Variants in CADPS2 observed in about 807,000 individuals in gnomAD.
CADPS2 encodes the protein calcium-dependent secretion activator 2.
A neutral mutation model predicts 172.5 loss-of-function variants in CADPS2; 93 were observed. The observed-to-expected ratio is 0.54, with a 90% CI of 0.46 to 0.64. The LOEUF (loss-of-function observed/expected upper bound fraction) is 0.64. CADPS2 is among the 30% of genes least tolerant of loss of function. CADPS2 has a pLI of 0.00. For missense variants in CADPS2, 1,420 were observed against 1,565.9 expected (o/e 0.91, Z 1.57); for synonymous variants, 546 against 555.2 (o/e 0.98, Z 0.23).
At chr7:122,730,536 TTAAA>T (rs1311988571) in intron 2 of CADPS2, among the ~76,000 whole-genome samples, 2 of 151,788 alleles carry the variant, frequency 1.3e-5, no homozygotes, top group Non-Finnish European at 3.0e-5. Context: ...AAGCAAGATA[TTAAA>T]TAATATTTAG....
intron 1 of CADPS2, among the ~76,000 whole-genome samples, chr7:122,807,771 TG>T (rs1280151779): frequency 6.6e-6 from 1 of 152,018 alleles, no homozygotes; most frequent in African/African-American, 2.4e-5. Context: ...AATCTTGGCA[TG>T]GGGGGCATTG....
chr7:122,371,202 C>G lies in CADPS2; in HGVS notation c.3387+8166G>C, dbSNP rs1204428671. On this transcript the variant is annotated intron_variant, in intron 25 of 29. Transcript: ENST00000449022. ...ATATGAAGCATCGGCAATAAATGGT[C>G]AAATCGGTATTTTGGAAAGATACTC... Among the ~76,000 whole-genome samples the G allele has an allele frequency of 3.3e-5, 5 of 152,044 alleles. No homozygotes were observed. The East Asian group carries it at 9.6e-4, about 29-fold the overall frequency.
chr7:122,321,123 T>G (rs1477660619), intron 29 of CADPS2, among the ~76,000 whole-genome samples: 1 of 152,268 alleles, frequency 6.6e-6, no homozygotes, highest in Admixed American at 6.5e-5. Flanking sequence ...CTTAAAATAT[T>G]AATCTATAAT....
At chr7:122,828,020 G>A (rs189292113) in intron 1 of CADPS2, among the ~76,000 whole-genome samples, 2 of 152,232 alleles carry the variant, frequency 1.3e-5, no homozygotes, top group Non-Finnish European at 2.9e-5. Flanking sequence ...TTAAGTCCCT[G>A]CCAATAACTG....
intron 1 of CADPS2, among the ~76,000 whole-genome samples, chr7:122,860,609 A>G (rs767788812): frequency 6.6e-6 from 1 of 152,182 alleles, no homozygotes; most frequent in Non-Finnish European, 1.5e-5. Context: ...TAAAACATTT[A>G]AGAAAGAAAA....
intron 14 of CADPS2, among the ~76,000 whole-genome samples, chr7:122,459,509 C>G (rs1034520192): frequency 6.6e-6 from 1 of 152,006 alleles, no homozygotes; most frequent in Non-Finnish European, 1.5e-5. Flanking sequence ...ATTAATTTTC[C>G]TGCAACCTCA....
At chr7:122,427,948 G>A (rs1483382237) in intron 17 of CADPS2, among the ~76,000 whole-genome samples, 1 of 152,086 alleles carries the variant, frequency 6.6e-6, no homozygotes, top group Non-Finnish European at 1.5e-5. Context: ...TGACTTGTGA[G>A]TTTCAAAATT....
chr7:122,819,510 A>G (rs1256946511), intron 1 of CADPS2, among the ~76,000 whole-genome samples: 1 of 151,956 alleles, frequency 6.6e-6, no homozygotes, highest in African/African-American at 2.4e-5. Flanking sequence ...GAGGCTACCC[A>G]CTCCACATTA....
At chr7:122,492,537 G>A (rs1024700638) in intron 9 of CADPS2, among the ~76,000 whole-genome samples, 4 of 152,190 alleles carry the variant, frequency 2.6e-5, no homozygotes, top group Non-Finnish European at 4.4e-5. Context: ...CAGCAAAGAC[G>A]TCAGATGCTA....
At chr7:122,558,476 A>G (rs895598967) in intron 7 of CADPS2, among the ~76,000 whole-genome samples, 4 of 152,148 alleles carry the variant, frequency 2.6e-5, no homozygotes, top group African/African-American at 9.7e-5. Context: ...TGTCACCAAC[A>G]CTTTAAATGT....
At chr7:122,418,981 C>A (rs1279025614) in intron 17 of CADPS2, among the ~76,000 whole-genome samples, 3 of 152,134 alleles carry the variant, frequency 2.0e-5, no homozygotes, top group African/African-American at 7.2e-5. Context: ...TACTTTAATG[C>A]TACCTTAAAA....
At position 122,535,405 on chromosome 7, in the gene CADPS2, T is replaced by C. The variant is rs530195891; in HGVS notation, c.1475+19145A>G. On this transcript the variant is annotated intron_variant, in intron 8 of 29. Coordinates refer to ENST00000449022, the MANE Select transcript of CADPS2 (RefSeq NM_017954.11). ...TTTAATGTGATAGATTCTTCAAATG[T>C]ATTTAATCTACTATATCTGGATGTC... is the stretch of plus-strand genomic sequence containing the variant. Among the ~76,000 whole-genome samples the C allele has an allele frequency of 3.9e-5, 6 of 152,196 alleles. No homozygotes were observed. The South Asian group carries it at 6.2e-4, about 16-fold the overall frequency.
At chr7:122,469,578 A>G (rs1345720990) in intron 14 of CADPS2, among the ~76,000 whole-genome samples, 1 of 152,148 alleles carries the variant, frequency 6.6e-6, no homozygotes, top group African/African-American at 2.4e-5. Context: ...AATCAGCAAC[A>G]TCCTCCTAAT....
intron 1 of CADPS2, among the ~76,000 whole-genome samples, chr7:122,824,998 AAG>A (rs1804475359): frequency 6.6e-6 from 1 of 152,186 alleles, no homozygotes; most frequent in Non-Finnish European, 1.5e-5. Context: ...GAAACGAAAA[AAG>A]TAACAGAGAC....
At chr7:122,841,483 C>T (rs953937744) in intron 1 of CADPS2, among the ~76,000 whole-genome samples, 1 of 152,102 alleles carries the variant, frequency 6.6e-6, no homozygotes, top group Non-Finnish European at 1.5e-5. Flanking sequence ...TCAACTTAAA[C>T]CTATACCTTA....
rs60560320 is a variant in CADPS2, at chr7:122,576,484, T to C, written c.1335+4695A>G. On this transcript the variant is annotated intron_variant, in intron 7 of 29. Transcript: ENST00000449022. ...TCCTATGTTGGCACCCTTTTGATGC[T>C]GCTGGTTGATGTGTTCATTAGGGAA... 7.7e-3 allele frequency among the ~76,000 whole-genome samples: 1,178 copies of C among 152,292 alleles called. 13 individuals carry two copies. The highest frequency in any genetic ancestry group is 0.027 in the African/African-American group (1,138 of 41,562).
chr7:122,584,588 T>C (rs1362222561), intron 6 of CADPS2, among the ~76,000 whole-genome samples: 1 of 151,996 alleles, frequency 6.6e-6, no homozygotes, highest in Admixed American at 6.6e-5. Context: ...TTTGCTACAT[T>C]ATTCTAATTT....
chr7:122,757,223 T>C (rs188383840), intron 1 of CADPS2, among the ~76,000 whole-genome samples: 90 of 152,286 alleles, frequency 5.9e-4, no homozygotes, highest in Middle Eastern at 3.4e-3. Flanking sequence ...CATGGCTCAC[T>C]ACAGCTTCTA....
intron 2 of CADPS2, among the ~76,000 whole-genome samples, chr7:122,724,390 G>A (rs557150129): frequency 5.3e-5 from 8 of 151,932 alleles, no homozygotes; most frequent in Non-Finnish European, 8.8e-5. Flanking sequence ...GTTCAGTGTC[G>A]TATAAGCCAT....
Sources: gnomAD v4.1 joint callset for allele counts (sites outside exome capture counted in the v4.1 genomes callset) on GRCh38, gnomAD v4.1.1 for gene constraint, MANE v1.5 for transcripts, NCBI Gene and HGNC (gene_info 2026-07-23, HGNC 2026-07-21) for gene names.